Variants in MICAL3 observed in about 807,000 individuals in gnomAD.
MICAL3 encodes microtubule associated monooxygenase, calponin and LIM domain containing 3.
In MICAL3, 62 loss-of-function variants were observed where a neutral mutation model predicts 207.4. The ratio of observed to expected loss-of-function variants is 0.30; its 90% CI spans 0.24 to 0.37. MICAL3 has a LOEUF of 0.37. Ranked by LOEUF, MICAL3 falls within the 10% of genes least tolerant of loss-of-function variation. The probability of loss-of-function intolerance (pLI) is 1.00; values close to 1 mark genes in which losing one functional copy is unlikely to be tolerated. For missense variants in MICAL3, 2,368 were observed against 2,635.6 expected, an observed-to-expected ratio of 0.90 and a Z score of 2.22; for synonymous variants, 1,077 against 1,069.3, an observed-to-expected ratio of 1.01 and a Z score of -0.14.
chr22:18,000,722 C>A (rs192239131), intron 1 of MICAL3, among the ~76,000 whole-genome samples: 1 of 152,246 alleles, frequency 6.6e-6, no homozygotes, highest in African/African-American at 2.4e-5. Context: ...AGACTAGAGG[C>A]GAAGGCGGCT....
chr22:17,794,087 G>A (rs79449812), intron 29 of MICAL3, among the ~76,000 whole-genome samples: 5 of 152,150 alleles, frequency 3.3e-5, no homozygotes, highest in South Asian at 2.1e-4. Context: ...CAGAGGGGGC[G>A]GGGGGCCAGA....
chr22:17,936,644 A>G lies in MICAL3; in HGVS notation c.-74-29758T>C, dbSNP rs147725392. Among the ~76,000 whole-genome samples, 609 of 152,176 alleles carry G rather than the reference A, an allele frequency of 4.0e-3. 3 individuals carry two copies. The highest frequency in any genetic ancestry group is 0.014 in the African/African-American group (571 of 41,512). The stretch of plus-strand genomic sequence containing the variant: ...ATATCTTGATTATGGAGATTATGTG[A>G]ATATATATTCATCTGTCAATGCCCA... On this transcript the variant is annotated intron_variant, in intron 1 of 31. Coordinates refer to ENST00000441493, the MANE Select transcript of MICAL3 (RefSeq NM_015241.3).
At chr22:18,011,266 C>T (rs535774519) in intron 1 of MICAL3, among the ~76,000 whole-genome samples, 15 of 152,388 alleles carry the variant, frequency 9.8e-5, no homozygotes, top group Middle Eastern at 6.8e-3. Flanking sequence ...GAGAAGCTGG[C>T]TGGGCGCAGT....
In MICAL3 at chr22:17,895,147, A is replaced by G. The variant is rs1361059000; in HGVS notation, c.1449+137T>C. ...AAATGCTATCTACTTCTACCAATTC[A>G]GAGAGACATCTACCTGGATGACTAA... On this transcript the variant is annotated intron_variant, in intron 10 of 31. Transcript: ENST00000441493. The G allele has an allele frequency of 1.4e-5, 12 of 831,138 alleles. No individual in the cohort carries two copies. The Admixed American group carries it at 2.5e-4, about 17-fold the overall frequency. 51.5% of individuals were successfully genotyped at this position (831,138 alleles called of 1,614,324 possible).
rs760929345 is a variant in MICAL3, at chr22:17,901,886, G to C, written c.683C>G (p.Thr228Ser). 25 of 1,612,540 alleles carry C rather than the reference G, an allele frequency of 1.6e-5. No individual in the cohort carries two copies. The Admixed American group carries it at 2.7e-4, about 17-fold the overall frequency. The change falls in exon 5 of 32, where the codon ACC becomes AGC. Residue 228 changes from threonine to serine, a missense_variant. Around this residue, in one of 4 missense-constraint regions of MICAL3, gnomAD observed 400 missense variants for 547.0 expected, o/e 0.73. Coordinates refer to ENST00000441493, the MANE Select transcript of MICAL3 (RefSeq NM_015241.3). The part of the protein sequence containing the change: ...VIIGGDGRRN[T>S]LEGFRRKEFR... ...GGAGCACAGACCAATACCTTCCAAGGTGTTCCTCCGACCATCCCCACCGAT... is the reference window on the plus strand; with the variant it reads ...GGAGCACAGACCAATACCTTCCAAGCTGTTCCTCCGACCATCCCCACCGAT...
chr22:17,854,585 G>A (rs1162881870), intron 19 of MICAL3, among the ~76,000 whole-genome samples: 2 of 152,130 alleles, frequency 1.3e-5, no homozygotes, highest in East Asian at 1.9e-4. Flanking sequence ...GGTGCATGCT[G>A]TGACAAACTT....
chr22:17,824,691 C>T (rs1353609086), intron 22 of MICAL3, among the ~76,000 whole-genome samples: 1 of 152,162 alleles, frequency 6.6e-6, no homozygotes, highest in Non-Finnish European at 1.5e-5. Flanking sequence ...CCTGAGATAC[C>T]AGAGTGGCCC....
At chr22:17,810,264 C>T (rs191305878) in intron 28 of MICAL3, among the ~76,000 whole-genome samples, 87 of 152,060 alleles carry the variant, frequency 5.7e-4, no homozygotes, top group East Asian at 5.0e-3. Context: ...GGGGTTTCAC[C>T]GTGTTAGCCA....
chr22:17,948,946 G>A (rs1032386948), intron 1 of MICAL3, among the ~76,000 whole-genome samples: 1 of 146,858 alleles, frequency 6.8e-6, no homozygotes, highest in Non-Finnish European at 1.5e-5. Context: ...ACGGTGGGTC[G>A]TGCCTGTAAT....
At chr22:17,843,120 CAAAAA>C (rs71966425) in intron 19 of MICAL3, among the ~76,000 whole-genome samples, 1 of 62,916 alleles carries the variant, frequency 1.6e-5, no homozygotes, top group African/African-American at 6.2e-5. Context: ...GACTTCATCT[CAAAAA>C]AAAAAAAAAA....
intron 1 of MICAL3, among the ~76,000 whole-genome samples, chr22:17,953,865 A>C (rs889645696): frequency 3.2e-4 from 45 of 139,306 alleles, no homozygotes; most frequent in African/African-American, 1.2e-3. Context: ...TAGGAGGGGG[A>C]GGTTGCAGTG....
chr22:17,980,617 A>G (rs536095942), intron 1 of MICAL3, among the ~76,000 whole-genome samples: 8 of 152,338 alleles, frequency 5.3e-5, no homozygotes, highest in South Asian at 2.1e-4. Flanking sequence ...TCTGAAGCCT[A>G]TAAGTATTTG....
intron 1 of MICAL3, among the ~76,000 whole-genome samples, chr22:17,938,255 C>T (rs1178209590): frequency 4.6e-5 from 7 of 152,230 alleles, no homozygotes; most frequent in South Asian, 2.1e-4. Flanking sequence ...ACTTTAAAGC[C>T]GTAATTATTC....
At chr22:17,850,837 T>C (rs1310094630) in intron 19 of MICAL3, among the ~76,000 whole-genome samples, 1 of 152,214 alleles carries the variant, frequency 6.6e-6, no homozygotes, top group Non-Finnish European at 1.5e-5. Context: ...AGGTTTCTTT[T>C]AAGCTACAAG....
intron 1 of MICAL3, among the ~76,000 whole-genome samples, chr22:17,990,523 C>T (rs528385049): frequency 2.0e-5 from 3 of 152,296 alleles, no homozygotes; most frequent in South Asian, 2.1e-4. Flanking sequence ...CTGTTACGCC[C>T]TTCATTGCAC....
intron 1 of MICAL3, among the ~76,000 whole-genome samples, chr22:17,952,259 G>C (rs931665904): frequency 1.3e-5 from 2 of 152,176 alleles, no homozygotes; most frequent in Non-Finnish European, 2.9e-5. Flanking sequence ...TTCTAAGTAG[G>C]GGCAGGTGCC....
chr22:17,866,430 G>C (rs1927122575), intron 17 of MICAL3, among the ~76,000 whole-genome samples: 3 of 152,180 alleles, frequency 2.0e-5, no homozygotes, highest in Admixed American at 2.0e-4. Flanking sequence ...GAGGCTGCAG[G>C]GGTGGGGCAT....
At chr22:17,862,411 C>T in intron 19 of MICAL3, 5 of 463,278 alleles carry the variant, frequency 1.1e-5, no homozygotes, top group Non-Finnish European at 1.4e-5. Flanking sequence ...TCCGCCACCA[C>T]ACCACACCCG....
chr22:17,838,288 G>C (rs531537519), intron 20 of MICAL3, among the ~76,000 whole-genome samples: 25 of 152,204 alleles, frequency 1.6e-4, no homozygotes, highest in Middle Eastern at 3.2e-3. Flanking sequence ...CCAACGTGTT[G>C]TGCTTTCATC....
Sources: allele counts gnomAD v4.1 joint callset (sites outside exome capture counted in the v4.1 genomes callset), GRCh38; gene constraint gnomAD v4.1.1; regional missense constraint gnomAD v4.1.1; transcripts MANE v1.5; gene names NCBI Gene and HGNC (gene_info 2026-07-23, HGNC 2026-07-21).